ANO1: variants seen among roughly 807,000 people sequenced by gnomAD.
ANO1 encodes anoctamin 1.
In ANO1, 59 loss-of-function variants were observed where a neutral mutation model predicts 124.0. That is an observed-to-expected ratio of 0.48 (90% confidence interval 0.39 to 0.59). The LOEUF (loss-of-function observed/expected upper bound fraction) is 0.59. Among genes scored for constraint, ANO1 ranks in the 20% least tolerant of loss-of-function variants. The pLI is 0.00. For synonymous variants in ANO1, 529 were observed against 532.0 expected, an observed-to-expected ratio of 0.99 and a Z score of 0.08; for missense variants, 1,059 against 1,328.0, an observed-to-expected ratio of 0.80 and a Z score of 3.15.
chr11:70,065,364 C>A (rs782502671), intron 1 of ANO1: 6 of 152,286 alleles, frequency 3.9e-5, no homozygotes, highest in Admixed American at 6.5e-5. Context: ...TACCTGGGGG[C>A]CTTGACTAAA....
At chr11:70,097,289 C>T (rs935365500) in intron 2 of ANO1, among the ~76,000 whole-genome samples, 10 of 152,284 alleles carry the variant, frequency 6.6e-5, no homozygotes, top group South Asian at 4.2e-4. Context: ...GTCCTCAGCT[C>T]GCCTGAGACT....
At chr11:70,182,020 C>A (rs2048947190) in intron 23 of ANO1, among the ~76,000 whole-genome samples, 1 of 151,524 alleles carries the variant, frequency 6.6e-6, no homozygotes, top group Admixed American at 6.6e-5. Flanking sequence ...CTTGTAAGGG[C>A]ACCAGCCAGA....
At chr11:69,992,985 C>T (rs570657414) in intron 1 of ANO1, among the ~76,000 whole-genome samples, 1 of 152,258 alleles carries the variant, frequency 6.6e-6, no homozygotes, top group East Asian at 1.9e-4. Context: ...CAGTAGATGC[C>T]CTCCTGGTAA....
intron 2 of ANO1, among the ~76,000 whole-genome samples, chr11:70,102,611 G>A (rs961275750): frequency 6.6e-6 from 1 of 152,218 alleles, no homozygotes; most frequent in African/African-American, 2.4e-5. Flanking sequence ...CCAGAGGGGG[G>A]ACCATCTTCA....
chr11:69,988,323 C>A (rs1315422050), intron 1 of ANO1, among the ~76,000 whole-genome samples: 1 of 152,180 alleles, frequency 6.6e-6, no homozygotes, highest in Non-Finnish European at 1.5e-5. Context: ...CTAGAGCCAG[C>A]CTCCCAGGTC....
chr11:69,972,267 G>T, the ANO1 span, among the ~76,000 whole-genome samples: 1 of 150,484 alleles, frequency 6.6e-6, no homozygotes, highest in Non-Finnish European at 1.5e-5. Context: ...GGCTACTGTT[G>T]AAAATGCCGG....
chr11:70,165,157 T>G (rs2048204458), intron 19 of ANO1, among the ~76,000 whole-genome samples: 3 of 152,122 alleles, frequency 2.0e-5, no homozygotes, highest in African/African-American at 7.2e-5. Context: ...TACTTGCCTC[T>G]CCACCCTCTG....
intron 1 of ANO1, among the ~76,000 whole-genome samples, chr11:70,084,177 C>G (rs1261999702): frequency 6.6e-6 from 1 of 152,110 alleles, no homozygotes; most frequent in Non-Finnish European, 1.5e-5. Flanking sequence ...CCTCCGACCC[C>G]TCGAGACCCT....
In ANO1 at chr11:70,167,357, GCGGGC is replaced by G; in HGVS notation, c.2169_2173del (p.Gly724HisfsTer46). The G allele has an allele frequency of 1.9e-6, 3 of 1,613,128 alleles. No individual in the cohort carries two copies. Among genetic ancestry groups the G allele is most frequent in the Non-Finnish European group, 2.5e-6 (3 of 1,179,482 alleles). On this transcript the variant is annotated frameshift_variant, in exon 21 of 26. Coordinates refer to ENST00000355303, the MANE Select transcript of ANO1 (RefSeq NM_018043.7). LOFTEE classifies it high-confidence loss of function. Reference sequence around the variant, plus strand: ...GGTGGATTACAACCTGGAGCCCTTCGCGGGCCTCACCCCAGAGTACATGGAAATGA... The same window carrying G: ...GGTGGATTACAACCTGGAGCCCTTCGCTCACCCCAGAGTACATGGAAATGA...
At chr11:70,163,202 G>C in intron 18 of ANO1, 81 bp from the exon 19 acceptor site, 1 of 1,478,720 alleles carries the variant, frequency 6.8e-7, no homozygotes, top group East Asian at 2.3e-5. Context: ...CTCACACGCT[G>C]CACAGTCCCC....
chr11:69,972,147 A>G, the ANO1 span, among the ~76,000 whole-genome samples: 2 of 142,936 alleles, frequency 1.4e-5, no homozygotes, highest in African/African-American at 5.2e-5. Flanking sequence ...AGATCATGCT[A>G]CTGCACTCTA....
chr11:69,973,733 G>A, the ANO1 span, among the ~76,000 whole-genome samples: 3 of 151,818 alleles, frequency 2.0e-5, no homozygotes, highest in East Asian at 1.9e-4. Flanking sequence ...TTAGCCGGGC[G>A]TGGTGGTGCG....
chr11:70,100,171 T>A (rs887499182), intron 2 of ANO1, among the ~76,000 whole-genome samples: 19 of 152,156 alleles, frequency 1.2e-4, no homozygotes, highest in African/African-American at 1.7e-4. Flanking sequence ...AAAGCTCCCC[T>A]AACCACTGGG....
rs191759039 is a variant in ANO1, at chr11:70,171,002, G to A, written c.2313G>A (p.Glu771=). Residue 771 remains glutamate (E), a synonymous_variant, in exon 22 of 26, where the codon GAG becomes GAA. Coordinates refer to ENST00000355303, the MANE Select transcript of ANO1 (RefSeq NM_018043.7). ...IRLDAKKFVT[E]LRRPVAVRAK... ...TGGACGCCAAAAAGTTTGTCACTGAGCTCCGAAGGCCGGTAGCTGTCAGAG... is the reference window on the plus strand; with the variant it reads ...TGGACGCCAAAAAGTTTGTCACTGAACTCCGAAGGCCGGTAGCTGTCAGAG... The A allele has an allele frequency of 2.5e-6, 4 of 1,612,790 alleles. No homozygotes were observed. The African/African-American group carries it at 5.3e-5, about 21-fold the overall frequency.
intron 2 of ANO1, among the ~76,000 whole-genome samples, chr11:70,091,534 C>G (rs1384747538): frequency 6.6e-6 from 1 of 152,150 alleles, no homozygotes; most frequent in African/African-American, 2.4e-5. Context: ...CAAAACCACC[C>G]CCAGTTGAGA....
chr11:70,031,921 T>C (rs1445657628), intron 1 of ANO1, among the ~76,000 whole-genome samples: 1 of 152,158 alleles, frequency 6.6e-6, no homozygotes. Context: ...AGGGAATCTG[T>C]GTGGCACCGG....
chr11:70,017,170 G>A (rs1258048992), intron 1 of ANO1, among the ~76,000 whole-genome samples: 1 of 152,148 alleles, frequency 6.6e-6, no homozygotes, highest in Non-Finnish European at 1.5e-5. Context: ...CCATCCGGAG[G>A]AGGATGAGGC....
intron 1 of ANO1, among the ~76,000 whole-genome samples, chr11:70,010,294 T>C (rs1555000898): frequency 6.6e-6 from 1 of 151,008 alleles, no homozygotes; most frequent in East Asian, 2.0e-4. Flanking sequence ...CATGGAAACA[T>C]ATAAACACAG....
chr11:70,168,992 C>T lies in ANO1; in HGVS notation c.2197+1605C>T, dbSNP rs563101672. On this transcript the variant is annotated intron_variant, in intron 21 of 25. Transcript: ENST00000355303. ...AGTCCAAGCTGAACCAGGGTCAGGC[C>T]GGTAGGCAGAAAATGGCTCCCAGCT... Among the ~76,000 whole-genome samples, 12 of 152,280 alleles carry T rather than the reference C, an allele frequency of 7.9e-5. No homozygotes were observed. The East Asian group carries it at 2.1e-3, about 27-fold the overall frequency.
Sources: gnomAD v4.1 joint callset for allele counts (sites outside exome capture counted in the v4.1 genomes callset) on GRCh38, gnomAD v4.1.1 for gene constraint, MANE v1.5 for transcripts, NCBI Gene and HGNC (gene_info 2026-07-23, HGNC 2026-07-21) for gene names.